The following WDR35 variants were observed in gnomAD, a reference collection of about 807,000 sequenced individuals.
WDR35 encodes the protein WD repeat-containing protein 35.
A neutral mutation model predicts 158.3 loss-of-function variants in WDR35; 118 were observed. The observed-to-expected ratio is 0.75, with a 90% confidence interval of 0.64 to 0.87. WDR35 has a LOEUF of 0.87. WDR35 is among the 40% of genes least tolerant of loss of function. The probability of loss-of-function intolerance (pLI) is 0.00; values close to 1 mark genes in which losing one functional copy is unlikely to be tolerated. For missense variants in WDR35, 1,263 were observed against 1,405.8 expected (o/e 0.90, Z 1.62); for synonymous variants, 448 against 476.1 (o/e 0.94, Z 0.77).
rs1311112891 is a variant in WDR35, at chr2:19,913,494, T to C, written c.*64A>G. 4 of 1,594,306 alleles carry C rather than the reference T, an allele frequency of 2.5e-6. No individual in the cohort carries two copies. The highest frequency in any genetic ancestry group is 2.2e-5 in the East Asian group (1 of 44,672). On this transcript the variant is annotated 3_prime_UTR_variant, in exon 27 of 27. Coordinates refer to ENST00000281405, the MANE Select transcript of WDR35 (RefSeq NM_020779.4). The stretch of plus-strand genomic sequence containing the variant: ...TCACAGAAATAAACCTTATTACATA[T>C]ACAGCATATAGCCATGTATATATGC...
chr2:19,959,481 TATATAA>T (rs1286733918), intron 11 of WDR35, among the ~76,000 whole-genome samples: 3 of 152,136 alleles, frequency 2.0e-5, no homozygotes, highest in African/African-American at 7.2e-5. Flanking sequence ...TATATATGTG[TATATAA>T]ATATATACAC....
intron 13 of WDR35, among the ~76,000 whole-genome samples, chr2:19,949,866 T>G (rs752829013): frequency 4.6e-5 from 7 of 152,154 alleles, no homozygotes; most frequent in Non-Finnish European, 7.3e-5. Context: ...CTTGCAAAGA[T>G]AGTGAAGCCA....
At chr2:19,929,187 C>T (rs1241497444) in intron 25 of WDR35, among the ~76,000 whole-genome samples, 1 of 152,048 alleles carries the variant, frequency 6.6e-6, no homozygotes, top group Non-Finnish European at 1.5e-5. Context: ...CTTATAAATG[C>T]TAGGGAAAAT....
chr2:19,938,337 C>T lies in WDR35; in HGVS notation c.1991G>A (p.Arg664Gln), dbSNP rs750367225. The part of the protein sequence containing the change: ...NFEIRSLRDS[R>Q]ALIEKVGIKD... Reference sequence around the variant, plus strand: ...AATTCCAACCTTCTCAATCAGTGCTCGGCTATCTCGCAGAGACCGAATCTC... The same window carrying T: ...AATTCCAACCTTCTCAATCAGTGCTTGGCTATCTCGCAGAGACCGAATCTC... The change falls in exon 18 of 27, where the codon CGA (arginine) becomes CAA (glutamine). Residue 664 changes from arginine (R) to glutamine (Q), a missense_variant. By Grantham distance (43) the Arg-to-Gln change is conservative. Coordinates refer to ENST00000281405, the MANE Select transcript of WDR35 (RefSeq NM_020779.4). 7.4e-6 allele frequency: 12 copies of T among 1,613,828 alleles called. No individual in the cohort carries two copies. Among genetic ancestry groups the T allele is most frequent in the Admixed American group, 5.0e-5 (3 of 59,954 alleles).
At position 19,978,879 on chromosome 2, in the gene WDR35, C is replaced by A. The variant is rs886055406; in HGVS notation, c.308G>T (p.Gly103Val). 1.2e-5 allele frequency: 20 copies of A among 1,613,388 alleles called. No individual in the cohort carries two copies. The highest frequency in any genetic ancestry group is 1.5e-5 in the Non-Finnish European group (18 of 1,179,736). Reference sequence around the variant, plus strand: ...GTTGATCATCTCCTCAATCCAAGAGCCTGTTTTCACAAATTTAAAAAATTA... The same window carrying A: ...GTTGATCATCTCCTCAATCCAAGAGACTGTTTTCACAAATTTAAAAAATTA... ...GLIIVWMLYK[G>V]SWIEEMINNR... Residue 103 changes from glycine to valine, a missense_variant and splice_region_variant, in exon 5 of 27, where the codon GGC (glycine) becomes GTC (valine). Gly to Val is a moderately radical substitution (Grantham distance 109, BLOSUM62 -3). Coordinates refer to ENST00000281405, the MANE Select transcript of WDR35 (RefSeq NM_020779.4).
At chr2:19,929,456 C>G (rs555830776) in intron 25 of WDR35, among the ~76,000 whole-genome samples, 1 of 152,260 alleles carries the variant, frequency 6.6e-6, no homozygotes, top group Admixed American at 6.5e-5. Flanking sequence ...GGTGTCATGA[C>G]AGTGCTTGCC....
intron 17 of WDR35, 132 bp from the exon 18 acceptor site, chr2:19,938,533 GAGAA>G: frequency 8.3e-7 from 1 of 1,204,264 alleles, no homozygotes; most frequent in Non-Finnish European, 1.1e-6. Context: ...AAATAAGGAA[GAGAA>G]ATCTTCACGT....
At chr2:19,981,649 TG>T (rs927573735) in intron 3 of WDR35, among the ~76,000 whole-genome samples, 1 of 152,096 alleles carries the variant, frequency 6.6e-6, no homozygotes. Flanking sequence ...TCCTGAGTAC[TG>T]GGGACTACGG....
intron 25 of WDR35, among the ~76,000 whole-genome samples, chr2:19,915,476 G>A (rs996138523): frequency 1.3e-4 from 19 of 151,050 alleles, no homozygotes; most frequent in African/African-American, 4.6e-4. Context: ...TCTTCACCTA[G>A]TAGGTGAAGC....
rs1054837523 is a variant in WDR35, at chr2:19,911,784, T to C, written c.*1774A>G. On this transcript the variant is annotated 3_prime_UTR_variant, in exon 27 of 27. Coordinates refer to ENST00000281405, the MANE Select transcript of WDR35 (RefSeq NM_020779.4). ...ATATTCATGATACACTAAGTATGCA[T>C]GAGACATATAAAGCCTTCAGTATGT... The C allele has an allele frequency of 5.9e-5, 9 of 152,246 alleles. No individual in the cohort carries two copies. The highest frequency in any genetic ancestry group is 2.2e-4 in the African/African-American group (9 of 41,462). The allele number at this position is 152,246 out of a possible 1,614,324, so 9.4% of individuals were successfully genotyped here. A position where few individuals can be genotyped will look rare whatever the true frequency, so the allele number is the denominator to read the frequency against.
intron 16 of WDR35, among the ~76,000 whole-genome samples, chr2:19,942,993 G>C (rs1670925111): frequency 6.6e-6 from 1 of 152,004 alleles, no homozygotes; most frequent in Non-Finnish European, 1.5e-5. Context: ...GCCATATAAT[G>C]AGTGTCCTGA....
At position 19,937,943 on chromosome 2, in the gene WDR35, G is replaced by T; in HGVS notation, c.2067C>A (p.Arg689=). The change falls in exon 19 of 27, where the codon CGC becomes CGA. Residue 689 remains arginine (R), a synonymous_variant. Transcript: ENST00000281405. ...IEDNPHPRLW[R]LLAEAALQKL... is the part of the protein sequence containing the mutation. ...TCTGAAGAGCTGCTTCAGCCAGTAG[G>T]CGCCTTTATTTTAAAAGAAACAAAA... is the stretch of plus-strand genomic sequence containing the variant. 1 of 1,614,018 alleles carries T rather than the reference G, an allele frequency of 6.2e-7. No individual in the cohort carries two copies. The highest frequency in any genetic ancestry group is 8.5e-7 in the Non-Finnish European group (1 of 1,180,000).
chr2:19,924,512 C>A (rs374450702), intron 25 of WDR35, among the ~76,000 whole-genome samples: 2 of 152,040 alleles, frequency 1.3e-5, no homozygotes, highest in African/African-American at 4.8e-5. Flanking sequence ...TGCAGTGAGC[C>A]GAGATCGCGC....
chr2:19,922,161 C>T (rs546267980), intron 25 of WDR35, among the ~76,000 whole-genome samples: 140 of 152,244 alleles, frequency 9.2e-4, no homozygotes, highest in African/African-American at 3.2e-3. Context: ...GACAGTGTGG[C>T]GATTCCTCAA....
chr2:19,981,523 C>CA (rs1672382055), intron 3 of WDR35, among the ~76,000 whole-genome samples: 1 of 150,954 alleles, frequency 6.6e-6, no homozygotes. Flanking sequence ...AGTCTTTAGT[C>CA]TTTTTTTTTC....
Position 19,913,337 on chromosome 2 carries a change from T to C in WDR35, c.*221A>G, listed in dbSNP as rs916010304. On this transcript the variant is annotated 3_prime_UTR_variant, in exon 27 of 27. Coordinates refer to ENST00000281405, the MANE Select transcript of WDR35 (RefSeq NM_020779.4). ...AGAGAGAGGGTGAGAGAAAACATGGTTGATTTTCATACATTTATATGAAAA... is the reference window on the plus strand; with the variant it reads ...AGAGAGAGGGTGAGAGAAAACATGGCTGATTTTCATACATTTATATGAAAA... 2.1e-6 allele frequency: 1 copy of C among 478,748 alleles called. No homozygotes were observed. The highest frequency in any genetic ancestry group is 3.7e-6 in the Non-Finnish European group (1 of 273,656). 29.7% of individuals were successfully genotyped at this position (478,748 alleles called of 1,614,324 possible).
chr2:19,953,170 C>A (rs992370700), intron 12 of WDR35, among the ~76,000 whole-genome samples: 2 of 152,172 alleles, frequency 1.3e-5, no homozygotes, highest in Admixed American at 1.3e-4. Context: ...AGAAGAGCAG[C>A]AAACACAGAG....
At chr2:19,972,342 T>C (rs1405848747) in intron 8 of WDR35, among the ~76,000 whole-genome samples, 2 of 152,240 alleles carry the variant, frequency 1.3e-5, no homozygotes, top group Admixed American at 6.5e-5. Flanking sequence ...ACTTAACACA[T>C]TGTTTTGCAA....
chr2:19,971,881 T>C (rs531819375), intron 8 of WDR35, among the ~76,000 whole-genome samples: 1 of 152,320 alleles, frequency 6.6e-6, no homozygotes, highest in African/African-American at 2.4e-5. Flanking sequence ...CATTTCCTCA[T>C]TGTAATCTCC....
Sources: allele counts gnomAD v4.1 joint callset (sites outside exome capture counted in the v4.1 genomes callset), GRCh38; gene constraint gnomAD v4.1.1; transcripts MANE v1.5; gene names NCBI Gene and HGNC (gene_info 2026-07-23, HGNC 2026-07-21).